Variants in NCAPD3 observed in about 807,000 individuals in gnomAD.
NCAPD3 encodes condensin-2 complex subunit D3.
Under a neutral mutation model 182.9 loss-of-function variants are expected in NCAPD3, and 105 were observed. That is an observed-to-expected ratio of 0.57 (90% CI 0.49 to 0.68). The LOEUF (loss-of-function observed/expected upper bound fraction) is 0.68. Ranked by LOEUF, NCAPD3 falls within the 30% of genes least tolerant of loss-of-function variation. NCAPD3 has a pLI of 0.00. For missense variants in NCAPD3, 1,944 were observed against 1,837.0 expected (o/e 1.06, Z -1.07); for synonymous variants, 815 against 679.9 (o/e 1.20, Z -3.09).
chr11:134,184,558 T>C (rs1182224541), intron 19 of NCAPD3, 79 bp downstream of exon 19: 1 of 962,964 alleles, frequency 1.0e-6, no homozygotes. Flanking sequence ...TAGAGAATGC[T>C]CCTCACACTT....
At chr11:134,175,445 G>A (rs1944138701) in intron 24 of NCAPD3, among the ~76,000 whole-genome samples, 1 of 152,322 alleles carries the variant, frequency 6.6e-6, no homozygotes, top group South Asian at 2.1e-4. Context: ...AGTTTTACTG[G>A]TTTGTTATGT....
chr11:134,181,462 A>G (rs1373543733), intron 19 of NCAPD3, among the ~76,000 whole-genome samples: 2 of 152,204 alleles, frequency 1.3e-5, no homozygotes, highest in Non-Finnish European at 2.9e-5. Context: ...AATATTTACA[A>G]TGACCCCATG....
intron 27 of NCAPD3, among the ~76,000 whole-genome samples, chr11:134,167,247 C>CA (rs1565526264): frequency 3.0e-5 from 3 of 98,686 alleles, no homozygotes; most frequent in African/African-American, 8.0e-5. Flanking sequence ...GGCGCACACT[C>CA]GTGAGATGAG....
At chr11:134,159,852 C>A (rs762064394) in intron 29 of NCAPD3, 40 bp downstream of exon 29, 4 of 1,581,008 alleles carry the variant, frequency 2.5e-6, no homozygotes, top group Non-Finnish European at 3.4e-6. Flanking sequence ...AGACAGCAGA[C>A]TGGACTGTCT....
In NCAPD3 at chr11:134,192,677, C is replaced by T; in HGVS notation, c.2045+12G>A. ...TCTTCTATAGGGAACACAGGTCATA[C>T]AGTTAACCTACCTCAGTTCCTGGCT... On this transcript the variant is annotated intron_variant, in intron 16 of 34. Coordinates refer to ENST00000534548, the MANE Select transcript of NCAPD3 (RefSeq NM_015261.3). 6.2e-7 allele frequency: 1 copy of T among 1,607,240 alleles called. No homozygotes were observed. Among genetic ancestry groups the T allele is most frequent in the Non-Finnish European group, 8.5e-7 (1 of 1,173,836 alleles).
At chr11:134,183,254 T>G (rs1250110554) in intron 19 of NCAPD3, 4 of 438,934 alleles carry the variant, frequency 9.1e-6, no homozygotes, top group Non-Finnish European at 1.4e-5. Context: ...GCTTGTGGTT[T>G]CATAGTCTGT....
In NCAPD3 at chr11:134,184,933, G is replaced by C; in HGVS notation, c.2305C>G (p.Leu769Val). ...ACTTTGTCCCGGGTGCTCTTAGGAA[G>C]ATGCTTTGCAATATGCCCAATCACA... ...LCVIGHIAKH[L>V]PKSTRDKVTD... is the part of the protein sequence containing the mutation. The change falls in exon 18 of 35, where the codon CTT becomes GTT. Residue 769 changes from leucine to valine, a missense_variant. Leu to Val is a conservative substitution (Grantham distance 32, BLOSUM62 1). Transcript: ENST00000534548. 1.2e-6 allele frequency: 2 copies of C among 1,613,786 alleles called. No homozygotes were observed. The highest frequency in any genetic ancestry group is 1.1e-5 in the South Asian group (1 of 91,082).
chr11:134,205,619 C>T (rs1182811328), intron 8 of NCAPD3, among the ~76,000 whole-genome samples: 3 of 152,080 alleles, frequency 2.0e-5, no homozygotes, highest in Admixed American at 1.3e-4. Flanking sequence ...TCAGGTGATC[C>T]GCCCGCCTCG....
chr11:134,203,027 TG>T (rs1399428171), intron 12 of NCAPD3, 114 bp downstream of exon 12: 1 of 1,167,632 alleles, frequency 8.6e-7, no homozygotes, highest in Non-Finnish European at 1.2e-6. Flanking sequence ...ACCTCTCTCA[TG>T]AAAAAAGTAC....
chr11:134,200,172 T>C (rs1487900689), intron 13 of NCAPD3, among the ~76,000 whole-genome samples: 3 of 152,196 alleles, frequency 2.0e-5, no homozygotes, highest in Non-Finnish European at 4.4e-5. Context: ...AGTAAATCTT[T>C]GTGACTTTGG....
Position 134,181,064 on chromosome 11 carries a change from AGCAGTC to A in NCAPD3, c.2559+7_2559+12del. Reference sequence around the variant, plus strand: ...GGAAGCGAAAAGAATGGTTAGGAAAAGCAGTCGCTTACCAACAGGTCTTCGTCCATA... The same window carrying A: ...GGAAGCGAAAAGAATGGTTAGGAAAAGCTTACCAACAGGTCTTCGTCCATA... On this transcript the variant is annotated splice_region_variant and intron_variant, in intron 20 of 34. Coordinates refer to ENST00000534548, the MANE Select transcript of NCAPD3 (RefSeq NM_015261.3). 1 of 1,586,944 alleles carries A rather than the reference AGCAGTC, an allele frequency of 6.3e-7. No individual in the cohort carries two copies. Among genetic ancestry groups the A allele is most frequent in the Non-Finnish European group, 8.7e-7 (1 of 1,155,368 alleles).
At position 134,168,741 on chromosome 11, in the gene NCAPD3, G is replaced by A. The variant is rs57859835; in HGVS notation, c.3240-139C>T. 3,789 of 1,377,210 alleles carry A rather than the reference G, an allele frequency of 2.8e-3. 69 individuals are homozygous for A. The African/African-American group carries it at 0.044, about 16-fold the overall frequency. 85.3% of individuals were successfully genotyped at this position (1,377,210 alleles called of 1,614,324 possible). A position where few individuals can be genotyped will look rare whatever the true frequency, so the allele number is the denominator to read the frequency against. ...AGAGATCCCAGTGCTCATCACAGGC[G>A]CTGCCCTTAGGAAGCGATTCTCACG... On this transcript the variant is annotated intron_variant, in intron 25 of 34. Transcript: ENST00000534548.
At position 134,177,229 on chromosome 11, in the gene NCAPD3, T is replaced by C. The variant is rs773802954; in HGVS notation, c.3011A>G (p.Asn1004Ser). ...IRKQTLILLT[N>S]LLQEEFVKWK... ...AACCCCCCTACGCACCTGCAAGAGA[T>C]TGGTAAGCAAGATGAGTGTCTGCTT... is the stretch of plus-strand genomic sequence containing the variant. Residue 1004 changes from asparagine (N) to serine (S), a missense_variant, in exon 23 of 35, where the codon AAT (asparagine) becomes AGT (serine). Asn to Ser is a conservative substitution (Grantham distance 46). Transcript: ENST00000534548. 5.1e-5 allele frequency: 83 copies of C among 1,613,304 alleles called. No homozygotes were observed. The highest frequency in any genetic ancestry group is 1.6e-4 in the Middle Eastern group (1 of 6,078).
At chr11:134,164,726 C>T (rs1230945148) in intron 27 of NCAPD3, among the ~76,000 whole-genome samples, 1 of 144,798 alleles carries the variant, frequency 6.9e-6, no homozygotes, top group Non-Finnish European at 1.5e-5. Context: ...TCACTTGCGA[C>T]ATGAGTTTAG....
rs1227131008 is a variant in NCAPD3 at position 134,177,344 on chromosome 11, A to G, written c.2896T>C (p.Cys966Arg). 3 of 1,614,250 alleles carry G rather than the reference A, an allele frequency of 1.9e-6. No homozygotes were observed. Among genetic ancestry groups the G allele is most frequent in the Non-Finnish European group, 2.5e-6 (3 of 1,180,046 alleles). ...ATGGTGTAGCGAATGCAGAGATCGC[A>G]CATTACAATGATGACGTTGTTGCGG... ...AVRNNVIIVM[C>R]DLCIRYTIMV... Residue 966 changes from cysteine (C) to arginine (R), a missense_variant, in exon 23 of 35, where the codon TGC becomes CGC. Physicochemically the swap from Cys to Arg is radical, Grantham distance 180. Coordinates refer to ENST00000534548, the MANE Select transcript of NCAPD3 (RefSeq NM_015261.3).
chr11:134,161,913 T>A, intron 27 of NCAPD3, 22 bp from the exon 28 acceptor site: 1 of 1,293,924 alleles, frequency 7.7e-7, no homozygotes, highest in Non-Finnish European at 1.1e-6. Flanking sequence ...AACAAAGACA[T>A]GTTTTAGATG....
chr11:134,181,182 T>C lies in NCAPD3; in HGVS notation c.2454A>G (p.Glu818=), dbSNP rs1167069570. 6.2e-7 allele frequency: 1 copy of C among 1,612,430 alleles called. No individual in the cohort carries two copies. The highest frequency in any genetic ancestry group is 2.2e-5 in the East Asian group (1 of 44,864). ...CATCCCCACACACCTGCGTCAGCAA[T>C]TCCTACGGCAAGTCAAAAGTCATCT... ...ASAETPAEEQ[E]LLTQVCGDVL... is the part of the protein sequence containing the mutation. Residue 818 remains glutamate, a splice_region_variant and synonymous_variant, in exon 20 of 35, where the codon GAA becomes GAG. Coordinates refer to ENST00000534548, the MANE Select transcript of NCAPD3 (RefSeq NM_015261.3).
At chr11:134,199,530 A>G (rs1328933655) in intron 13 of NCAPD3, among the ~76,000 whole-genome samples, 2 of 152,156 alleles carry the variant, frequency 1.3e-5, no homozygotes, top group Non-Finnish European at 2.9e-5. Flanking sequence ...CTCACTTCCT[A>G]GCTAGTGACA....
intron 27 of NCAPD3, among the ~76,000 whole-genome samples, chr11:134,164,832 G>A (rs635024): frequency 0.18 from 27,114 of 150,502 alleles, 2,473 homozygotes; most frequent in East Asian, 0.27. Flanking sequence ...GACCTTAGGG[G>A]AGCTGAACAC....
Sources: gnomAD v4.1 joint callset for allele counts (sites outside exome capture counted in the v4.1 genomes callset) on GRCh38, gnomAD v4.1.1 for gene constraint, MANE v1.5 for transcripts, NCBI Gene and HGNC (gene_info 2026-07-23, HGNC 2026-07-21) for gene names.